STXBP5L: variants seen among roughly 807,000 people sequenced by gnomAD.
STXBP5L encodes syntaxin-binding protein 5-like.
In STXBP5L, 65 loss-of-function variants were observed where a neutral mutation model predicts 144.5. The observed-to-expected ratio is 0.45, with a 90% CI of 0.37 to 0.55. The LOEUF is 0.55. Among genes scored for constraint, STXBP5L ranks in the 20% least tolerant of loss-of-function variants. The pLI, the probability that STXBP5L is intolerant of heterozygous loss-of-function variation, is 0.00. For missense variants in STXBP5L, 1,298 were observed against 1,405.5 expected, an observed-to-expected ratio of 0.92 and a Z score of 1.22; for synonymous variants, 505 against 469.6, an observed-to-expected ratio of 1.08 and a Z score of -0.97.
intron 5 of STXBP5L, among the ~76,000 whole-genome samples, chr3:121,052,442 T>C (rs1446556983): frequency 6.6e-6 from 1 of 152,150 alleles, no homozygotes; most frequent in South Asian, 2.1e-4. Flanking sequence ...TGGTTCAATA[T>C]ACGCAAATCA....
chr3:121,018,272 A>G (rs1447922715), intron 3 of STXBP5L, among the ~76,000 whole-genome samples: 2 of 152,174 alleles, frequency 1.3e-5, no homozygotes, highest in African/African-American at 2.4e-5. Flanking sequence ...AACCAACACA[A>G]TCTTGAAGGA....
At chr3:120,983,330 T>A (rs1355213174) in intron 3 of STXBP5L, among the ~76,000 whole-genome samples, 1 of 152,040 alleles carries the variant, frequency 6.6e-6, no homozygotes, top group Non-Finnish European at 1.5e-5. Context: ...CTCAGTGGGA[T>A]CAGCAAAGTC....
At chr3:120,912,149 C>T (rs921284328) in intron 2 of STXBP5L, among the ~76,000 whole-genome samples, 2 of 151,834 alleles carry the variant, frequency 1.3e-5, no homozygotes, top group Non-Finnish European at 2.9e-5. Flanking sequence ...TTGTTCGTTC[C>T]GTCATATTTT....
intron 3 of STXBP5L, among the ~76,000 whole-genome samples, chr3:121,035,841 A>T (rs1314556029): frequency 1.3e-5 from 2 of 152,166 alleles, no homozygotes; most frequent in Non-Finnish European, 2.9e-5. Context: ...GAAAGTTGCC[A>T]TCTTAACAAT....
chr3:121,025,466 A>G lies in STXBP5L; in HGVS notation c.288-16234A>G, dbSNP rs187573362. Among the ~76,000 whole-genome samples, 10 of 152,274 alleles carry G rather than the reference A, an allele frequency of 6.6e-5. No individual in the cohort carries two copies. In the East Asian group the frequency reaches 1.9e-3, roughly 29 times the overall value. On this transcript the variant is annotated intron_variant, in intron 3 of 26. Coordinates refer to ENST00000471454, the MANE Select transcript of STXBP5L (RefSeq NM_001308330.2). ...ATTTTCTCTTGAATAATCAGATCTG[A>G]GCCTGAGTTCTCATATAGCAATTAT...
chr3:121,137,482 A>G (rs1349569668), intron 7 of STXBP5L, among the ~76,000 whole-genome samples: 4 of 152,204 alleles, frequency 2.6e-5, no homozygotes, highest in African/African-American at 9.6e-5. Context: ...GACATAATAA[A>G]AAAGAAAACT....
chr3:121,031,825 T>G (rs1319107876), intron 3 of STXBP5L, among the ~76,000 whole-genome samples: 2 of 152,038 alleles, frequency 1.3e-5, no homozygotes, highest in African/African-American at 4.8e-5. Context: ...ATAGATGTAC[T>G]CAAGAGATGC....
chr3:120,917,694 C>A (rs1709171940), intron 2 of STXBP5L, among the ~76,000 whole-genome samples: 1 of 152,074 alleles, frequency 6.6e-6, no homozygotes, highest in African/African-American at 2.4e-5. Context: ...CATAGCAAGA[C>A]CCCTGTCTCT....
At chr3:121,057,713 AC>A (rs1316869796) in intron 5 of STXBP5L, among the ~76,000 whole-genome samples, 1 of 151,998 alleles carries the variant, frequency 6.6e-6, no homozygotes, top group Non-Finnish European at 1.5e-5. Context: ...AATTTGATTA[AC>A]CATTCTATTT....
intron 25 of STXBP5L, 77 bp downstream of exon 25, chr3:121,416,045 TTAATG>T: frequency 9.1e-7 from 1 of 1,097,842 alleles, no homozygotes; most frequent in East Asian, 2.5e-5. Flanking sequence ...TGTGTGTAAC[TTAATG>T]TAATATGTGA....
chr3:120,951,635 C>G (rs1379113533), intron 2 of STXBP5L, among the ~76,000 whole-genome samples: 1 of 152,046 alleles, frequency 6.6e-6, no homozygotes, highest in Non-Finnish European at 1.5e-5. Context: ...GAATGGCAAT[C>G]ATTAAAAAGT....
At chr3:121,177,582 G>A (rs189475250) in intron 9 of STXBP5L, among the ~76,000 whole-genome samples, 54 of 152,170 alleles carry the variant, frequency 3.5e-4, no homozygotes, top group African/African-American at 1.2e-3. Flanking sequence ...ACATCCATTA[G>A]GATGATTACT....
At chr3:120,988,094 T>G (rs1461424960) in intron 3 of STXBP5L, among the ~76,000 whole-genome samples, 2 of 151,654 alleles carry the variant, frequency 1.3e-5, no homozygotes, top group Non-Finnish European at 3.0e-5. Context: ...AACTAGCCTG[T>G]TGCTGCAGTT....
At chr3:121,126,914 A>G (rs181124966) in intron 7 of STXBP5L, among the ~76,000 whole-genome samples, 1 of 152,298 alleles carries the variant, frequency 6.6e-6, no homozygotes, top group East Asian at 1.9e-4. Flanking sequence ...ACAGCATAGT[A>G]TCTCTCTGAC....
At chr3:121,157,082 G>T (rs13321860) in intron 8 of STXBP5L, among the ~76,000 whole-genome samples, 1 of 152,010 alleles carries the variant, frequency 6.6e-6, no homozygotes, top group Non-Finnish European at 1.5e-5. Context: ...ATGCAAGAGG[G>T]CAATACAGTG....
In STXBP5L at chr3:121,421,391, G is replaced by A. The variant is rs937018290; in HGVS notation, c.*2294G>A. On this transcript the variant is annotated 3_prime_UTR_variant, in exon 27 of 27. Coordinates refer to ENST00000471454, the MANE Select transcript of STXBP5L (RefSeq NM_001308330.2). ...CTGAAAGTCTTTGTTGTGGGGAACT[G>A]TCCTGTGTATTGTAGGATGTTAGCA... The A allele has an allele frequency of 2.5e-4, 38 of 149,336 alleles. No homozygotes were observed. Among genetic ancestry groups the A allele is most frequent in the African/African-American group, 9.2e-4 (38 of 41,284 alleles). The allele number at this position is 149,336 out of a possible 1,614,324, so 9.3% of individuals were successfully genotyped here.
At chr3:120,947,524 T>C (rs1211450890) in intron 2 of STXBP5L, among the ~76,000 whole-genome samples, 1 of 151,868 alleles carries the variant, frequency 6.6e-6, no homozygotes, top group Non-Finnish European at 1.5e-5. Context: ...TGGTGTTTGG[T>C]ATGTTCACAG....
chr3:121,018,688 A>G (rs181881261), intron 3 of STXBP5L, among the ~76,000 whole-genome samples: 57 of 152,362 alleles, frequency 3.7e-4, no homozygotes, highest in Middle Eastern at 3.4e-3. Flanking sequence ...CTTTTTAGGT[A>G]CAATAGTAAG....
chr3:121,051,344 C>A (rs931002226), intron 5 of STXBP5L, among the ~76,000 whole-genome samples: 1 of 152,126 alleles, frequency 6.6e-6, no homozygotes, highest in Admixed American at 6.5e-5. Context: ...AAGTAAAGCT[C>A]TCCTCAGCAA....
Sources: gnomAD v4.1 joint callset for allele counts (sites outside exome capture counted in the v4.1 genomes callset) on GRCh38, gnomAD v4.1.1 for gene constraint, MANE v1.5 for transcripts, NCBI Gene and HGNC (gene_info 2026-07-23, HGNC 2026-07-21) for gene names.